The following EPHB1 variants were observed in gnomAD, a reference collection of about 807,000 sequenced individuals.
The protein encoded by EPHB1 is ephrin type-B receptor 1.
Under a neutral mutation model 94.4 loss-of-function variants are expected in EPHB1, and 30 were observed. The observed-to-expected ratio is 0.32, with a 90% CI of 0.24 to 0.43. EPHB1 has a LOEUF of 0.43. EPHB1 is among the 20% of genes least tolerant of loss of function. The pLI is 1.00. For missense variants in EPHB1, 1,055 were observed against 1,308.3 expected (o/e 0.81, Z 2.99); for synonymous variants, 522 against 489.1 (o/e 1.07, Z -0.89).
chr3:134,851,127 G>T lies in EPHB1; in HGVS notation c.58+55438G>T, dbSNP rs575615086. On this transcript the variant is annotated intron_variant, in intron 1 of 15. Transcript: ENST00000398015. ...CAGTGTCTGGCTGGGTCCAGCGAAG[G>T]GAAAGAAAGGCTGGAGTTCTCAGGG... Among the ~76,000 whole-genome samples the T allele has an allele frequency of 8.3e-4, 126 of 152,368 alleles. 1 individual carries two copies. Among genetic ancestry groups the T allele is most frequent in the African/African-American group, 3.0e-3 (123 of 41,602 alleles).
intron 1 of EPHB1, among the ~76,000 whole-genome samples, chr3:134,856,758 C>T (rs1332205252): frequency 6.6e-6 from 1 of 152,186 alleles, no homozygotes; most frequent in African/African-American, 2.4e-5. Context: ...AGTGGTAACA[C>T]TTTGGACATA....
chr3:135,018,008 G>C (rs1193780120), intron 3 of EPHB1, among the ~76,000 whole-genome samples: 1 of 152,108 alleles, frequency 6.6e-6, no homozygotes, highest in African/African-American at 2.4e-5. Flanking sequence ...TGTGAGGGGG[G>C]GCATGATGAG....
chr3:135,248,974 GGT>G (rs1943997885), intron 14 of EPHB1, among the ~76,000 whole-genome samples: 1 of 152,128 alleles, frequency 6.6e-6, no homozygotes, highest in African/African-American at 2.4e-5. Flanking sequence ...TATCTGGGGA[GGT>G]TGTGATAAAA....
At chr3:134,811,583 A>G (rs1334134268) in intron 1 of EPHB1, among the ~76,000 whole-genome samples, 1 of 150,938 alleles carries the variant, frequency 6.6e-6, no homozygotes, top group Admixed American at 6.6e-5. Flanking sequence ...ACCACCCCAC[A>G]CCCTGTGAAT....
intron 3 of EPHB1, among the ~76,000 whole-genome samples, chr3:135,101,419 G>A (rs1939031996): frequency 6.6e-6 from 1 of 151,886 alleles, no homozygotes; most frequent in South Asian, 2.1e-4. Flanking sequence ...TGTCACCCAG[G>A]CTGGAGTGCA....
intron 1 of EPHB1, among the ~76,000 whole-genome samples, chr3:134,797,719 C>A (rs978072650): frequency 6.6e-6 from 1 of 152,154 alleles, no homozygotes; most frequent in African/African-American, 2.4e-5. Context: ...CCAGGCCTTC[C>A]GGAGCCACTT....
intron 1 of EPHB1, among the ~76,000 whole-genome samples, chr3:134,873,829 G>A (rs562759037): frequency 6.6e-6 from 1 of 152,348 alleles, no homozygotes; most frequent in African/African-American, 2.4e-5. Flanking sequence ...AAAAATAAAT[G>A]TGAACAAGAC....
chr3:135,159,311 G>C (rs1488853545), intron 6 of EPHB1, among the ~76,000 whole-genome samples: 1 of 152,156 alleles, frequency 6.6e-6, no homozygotes, highest in African/African-American at 2.4e-5. Context: ...AAGAATGTTT[G>C]GACTATAAAG....
chr3:134,871,464 G>C (rs1254652746), intron 1 of EPHB1, among the ~76,000 whole-genome samples: 1 of 152,110 alleles, frequency 6.6e-6, no homozygotes, highest in Admixed American at 6.5e-5. Flanking sequence ...CCAGCGGCTG[G>C]CTCGAAGTGG....
intron 12 of EPHB1, among the ~76,000 whole-genome samples, chr3:135,224,904 A>T (rs760455636): frequency 6.6e-6 from 1 of 152,204 alleles, no homozygotes; most frequent in Admixed American, 6.5e-5. Context: ...GGCCAAGAAC[A>T]TTAAGATTCT....
chr3:135,119,866 TAAC>T (rs1423729326), intron 4 of EPHB1, among the ~76,000 whole-genome samples: 1 of 152,252 alleles, frequency 6.6e-6, no homozygotes, highest in Non-Finnish European at 1.5e-5. Flanking sequence ...TTATTAAAAA[TAAC>T]ATCCCATGAG....
intron 13 of EPHB1, among the ~76,000 whole-genome samples, chr3:135,244,906 T>C (rs1431166187): frequency 1.3e-5 from 2 of 152,220 alleles, no homozygotes; most frequent in East Asian, 1.9e-4. Flanking sequence ...TTTTTCCCTA[T>C]GTGCAAGAAG....
At chr3:134,825,065 C>G (rs2036450580) in intron 1 of EPHB1, among the ~76,000 whole-genome samples, 1 of 152,218 alleles carries the variant, frequency 6.6e-6, no homozygotes, top group Non-Finnish European at 1.5e-5. Flanking sequence ...ATTTGTTACA[C>G]TCAATAGATA....
intron 1 of EPHB1, among the ~76,000 whole-genome samples, chr3:134,913,674 C>T (rs1410794350): frequency 6.6e-6 from 1 of 152,114 alleles, no homozygotes; most frequent in African/African-American, 2.4e-5. Flanking sequence ...ATCAAGGGGT[C>T]GAGGGCAGGG....
chr3:135,205,568 T>A (rs1342210302), intron 12 of EPHB1, among the ~76,000 whole-genome samples: 2 of 152,228 alleles, frequency 1.3e-5, no homozygotes, highest in East Asian at 3.8e-4. Flanking sequence ...TGTTTTATAT[T>A]TGAATATTTA....
intron 3 of EPHB1, among the ~76,000 whole-genome samples, chr3:135,022,233 G>T (rs976190142): frequency 6.6e-6 from 1 of 152,154 alleles, no homozygotes; most frequent in African/African-American, 2.4e-5. Context: ...GCCTCCCAAA[G>T]TGCTGGGATT....
At chr3:135,122,138 C>T (rs1043557430) in intron 4 of EPHB1, among the ~76,000 whole-genome samples, 4 of 152,214 alleles carry the variant, frequency 2.6e-5, no homozygotes, top group East Asian at 1.9e-4. Flanking sequence ...GGGTAGACAT[C>T]GGTGAACTTT....
intron 3 of EPHB1, among the ~76,000 whole-genome samples, chr3:135,020,797 G>C (rs1339775988): frequency 2.0e-5 from 3 of 152,046 alleles, no homozygotes; most frequent in Non-Finnish European, 2.9e-5. Flanking sequence ...TAAATCTCAA[G>C]GTAATATATG....
chr3:135,218,490 C>A (rs1576476928), intron 12 of EPHB1, among the ~76,000 whole-genome samples: 1 of 152,164 alleles, frequency 6.6e-6, no homozygotes, highest in Admixed American at 6.5e-5. Flanking sequence ...CCTGAGCCAG[C>A]ATGTACCCAG....
Sources: gnomAD v4.1 joint callset for allele counts (sites outside exome capture counted in the v4.1 genomes callset) on GRCh38, gnomAD v4.1.1 for gene constraint, MANE v1.5 for transcripts, NCBI Gene and HGNC (gene_info 2026-07-23, HGNC 2026-07-21) for gene names.